Variants in IRAK3 observed in about 807,000 individuals in gnomAD.
IRAK3 encodes interleukin 1 receptor associated kinase 3.
IRAK3 carries 57 observed loss-of-function variants against 56.6 expected under a neutral mutation model. The observed-to-expected ratio is 1.01, with a 90% CI of 0.81 to 1.26. The LOEUF is 1.26. Ranked by LOEUF, IRAK3 falls within the 50% of genes most tolerant of loss-of-function variation. IRAK3 has a pLI of 0.00. For synonymous variants in IRAK3, 258 were observed against 255.7 expected, an observed-to-expected ratio of 1.01 and a Z score of -0.09; for missense variants, 703 against 719.0, an observed-to-expected ratio of 0.98 and a Z score of 0.25.
intron 1 of IRAK3, chr12:66,198,013 C>CT: frequency 1.0e-6 from 1 of 985,178 alleles, no homozygotes; most frequent in Non-Finnish European, 1.2e-6. Context: ...TCCTTAATAG[C>CT]TATAAACTGT....
intron 11 of IRAK3, among the ~76,000 whole-genome samples, chr12:66,245,522 A>G (rs1026355161): frequency 7.3e-6 from 1 of 137,568 alleles, no homozygotes; most frequent in African/African-American, 2.7e-5. Context: ...GGAATATTTT[A>G]TTCAATCTTT....
intron 6 of IRAK3, among the ~76,000 whole-genome samples, chr12:66,218,182 G>T (rs2052696885): frequency 6.6e-6 from 1 of 152,078 alleles, no homozygotes; most frequent in Non-Finnish European, 1.5e-5. Flanking sequence ...GAGATATTTT[G>T]TGTGTAGGCA....
chr12:66,228,150 A>C (rs1163700428), intron 7 of IRAK3, 102 bp from the exon 8 acceptor site: 2 of 876,988 alleles, frequency 2.3e-6, no homozygotes, highest in Non-Finnish European at 3.9e-6. Context: ...ACCTCACCCC[A>C]CCTTGCTATC....
chr12:66,223,791 G>C (rs998891502), intron 6 of IRAK3, among the ~76,000 whole-genome samples: 3 of 149,028 alleles, frequency 2.0e-5, no homozygotes, highest in Non-Finnish European at 4.4e-5. Context: ...TCAGCTCACT[G>C]CAAGCTCTTC....
At chr12:66,196,703 G>A (rs2052456482) in intron 1 of IRAK3, 1 of 184,668 alleles carries the variant, frequency 5.4e-6, no homozygotes, top group Non-Finnish European at 1.0e-5. Context: ...ATATTAACTA[G>A]TAAGTGTTAA....
At chr12:66,206,434 G>A (rs2052558906) in intron 2 of IRAK3, among the ~76,000 whole-genome samples, 1 of 152,106 alleles carries the variant, frequency 6.6e-6, no homozygotes, top group South Asian at 2.1e-4. Flanking sequence ...TATCATGATA[G>A]GGTGTTGGAT....
intron 8 of IRAK3, among the ~76,000 whole-genome samples, chr12:66,232,376 C>T (rs892001941): frequency 6.6e-6 from 1 of 152,174 alleles, no homozygotes; most frequent in African/African-American, 2.4e-5. Flanking sequence ...GTCCCTTCCA[C>T]GGCCATTGAA....
intron 6 of IRAK3, among the ~76,000 whole-genome samples, chr12:66,225,113 G>A (rs1164100342): frequency 1.3e-5 from 2 of 152,096 alleles, no homozygotes; most frequent in Non-Finnish European, 2.9e-5. Flanking sequence ...CTGAGCAAGA[G>A]AGTAGAGCAC....
rs1385432148 is a variant in IRAK3 at position 66,245,251 on chromosome 12, T to C, written c.1303T>C (p.Ser435Pro). Residue 435 changes from serine to proline, a missense_variant, in exon 11 of 12, where the codon TCA becomes CCA. By Grantham distance (74) the Ser-to-Pro change is moderately conservative. Transcript: ENST00000261233. ...TGCAACGCGGGCAAAGTTAAGACCATCAATGGATGAAGTGAGTATATACAT... is the reference window on the plus strand; with the variant it reads ...TGCAACGCGGGCAAAGTTAAGACCACCAATGGATGAAGTGAGTATATACAT... ...CAATRAKLRPSMDEVLNTLES... is the reference protein window; with the variant it reads ...CAATRAKLRPPMDEVLNTLES... 5 of 1,614,128 alleles carry C rather than the reference T, an allele frequency of 3.1e-6. No homozygotes were observed. The highest frequency in any genetic ancestry group is 4.2e-6 in the Non-Finnish European group (5 of 1,180,012).
intron 1 of IRAK3, chr12:66,198,261 A>G (rs2052473590): frequency 5.1e-6 from 1 of 197,394 alleles, no homozygotes; most frequent in Non-Finnish European, 9.1e-6. Flanking sequence ...AAATATATTG[A>G]ACGTGTACTA....
chr12:66,193,069 G>A (rs1379560028), intron 1 of IRAK3, among the ~76,000 whole-genome samples: 12 of 151,800 alleles, frequency 7.9e-5, no homozygotes, highest in African/African-American at 2.2e-4. Context: ...GTGCAATGGC[G>A]CAATCTCAGT....
rs183109392 is a variant in IRAK3, at chr12:66,202,078, A to G, written c.134-1633A>G. On this transcript the variant is annotated intron_variant, in intron 1 of 11. Transcript: ENST00000261233. ...ATTGTAGAATTAAACAAATGAGTAAATATATTATCAATAATATTACTGTTC... is the reference window on the plus strand; with the variant it reads ...ATTGTAGAATTAAACAAATGAGTAAGTATATTATCAATAATATTACTGTTC... Among the ~76,000 whole-genome samples, 54 of 152,348 alleles carry G rather than the reference A, an allele frequency of 3.5e-4. No homozygotes were observed. The East Asian group carries it at 8.1e-3, about 23-fold the overall frequency.
intron 8 of IRAK3, among the ~76,000 whole-genome samples, chr12:66,238,950 G>A (rs1280936717): frequency 6.6e-6 from 1 of 152,196 alleles, no homozygotes; most frequent in Non-Finnish European, 1.5e-5. Context: ...ATTTTTATTG[G>A]AGAAACGAAG....
intron 1 of IRAK3, 111 bp from the exon 2 acceptor site, chr12:66,203,596 ATAAG>A: frequency 1.0e-6 from 1 of 959,916 alleles, no homozygotes; most frequent in Non-Finnish European, 1.6e-6. Context: ...AAAGTTATAA[ATAAG>A]AGGAAAGTTA....
intron 6 of IRAK3, among the ~76,000 whole-genome samples, chr12:66,220,816 G>A (rs537684388): frequency 8.5e-5 from 13 of 152,070 alleles, no homozygotes; most frequent in South Asian, 4.2e-4. Flanking sequence ...CACCGCGCCC[G>A]GCCTGTTCTT....
chr12:66,208,781 C>T (rs1210620536), intron 2 of IRAK3, among the ~76,000 whole-genome samples: 4 of 150,742 alleles, frequency 2.7e-5, no homozygotes, highest in African/African-American at 7.3e-5. Context: ...GAAAAAAGGC[C>T]CAGTGTGGTG....
At chr12:66,200,621 C>G (rs941280057) in intron 1 of IRAK3, among the ~76,000 whole-genome samples, 1 of 152,150 alleles carries the variant, frequency 6.6e-6, no homozygotes. Context: ...TACTCACAGC[C>G]TCAGTGGGAG....
intron 5 of IRAK3, among the ~76,000 whole-genome samples, chr12:66,212,617 A>T (rs1166328894): frequency 6.6e-6 from 1 of 152,198 alleles, no homozygotes; most frequent in Non-Finnish European, 1.5e-5. Flanking sequence ...CAAAAGATTA[A>T]ACTGTTGTAA....
At chr12:66,239,519 G>A (rs2052942873) in intron 8 of IRAK3, among the ~76,000 whole-genome samples, 1 of 152,054 alleles carries the variant, frequency 6.6e-6, no homozygotes, top group African/African-American at 2.4e-5. Context: ...CCAGCTCAGT[G>A]TTTAACAGGC....
Sources: gnomAD v4.1 joint callset for allele counts (sites outside exome capture counted in the v4.1 genomes callset) on GRCh38, gnomAD v4.1.1 for gene constraint, MANE v1.5 for transcripts, NCBI Gene and HGNC (gene_info 2026-07-23, HGNC 2026-07-21) for gene names.